PKIB: variants seen among roughly 807,000 people sequenced by gnomAD.
The protein encoded by PKIB is cAMP-dependent protein kinase inhibitor beta.
PKIB carries 2 observed loss-of-function variants against 4.5 expected under a neutral mutation model. The ratio of observed to expected loss-of-function variants is 0.44; its 90% CI spans 0.18 to 1.39. The LOEUF (loss-of-function observed/expected upper bound fraction) is 1.39. Among genes scored for constraint, PKIB ranks in the 40% most tolerant of loss-of-function variants. PKIB has a pLI of 0.27. For synonymous variants in PKIB, 38 were observed against 36.0 expected (o/e 1.06, Z -0.20); for missense variants, 94 against 92.6 (o/e 1.02, Z -0.06).
At chr6:122,530,042 TCTC>T (rs1376714425) in intron 2 of PKIB, among the ~76,000 whole-genome samples, 2 of 152,116 alleles carry the variant, frequency 1.3e-5, no homozygotes, top group African/African-American at 4.8e-5. Flanking sequence ...CTTTCTCTCC[TCTC>T]CTCCTAGTAT....
intron 2 of PKIB, among the ~76,000 whole-genome samples, chr6:122,485,378 GAAAAT>G (rs1486654168): frequency 6.6e-5 from 10 of 152,224 alleles, no homozygotes; most frequent in Non-Finnish European, 1.0e-4. Flanking sequence ...GAATCTCACT[GAAAAT>G]AGAAGAGCTA....
chr6:122,517,057 GA>G (rs1776780851), intron 2 of PKIB, among the ~76,000 whole-genome samples: 1 of 152,140 alleles, frequency 6.6e-6, no homozygotes, highest in South Asian at 2.1e-4. Context: ...CAGCTTTTTA[GA>G]GGTTAAATGG....
chr6:122,572,999 A>C (rs1215178720), intron 2 of PKIB, among the ~76,000 whole-genome samples: 1 of 152,142 alleles, frequency 6.6e-6, no homozygotes, highest in African/African-American at 2.4e-5. Context: ...CCAACACAGA[A>C]AATTTCAGGA....
intron 2 of PKIB, among the ~76,000 whole-genome samples, chr6:122,526,193 A>G (rs1777089539): frequency 1.3e-5 from 2 of 152,018 alleles, no homozygotes; most frequent in Non-Finnish European, 2.9e-5. Context: ...CCACTTTTTT[A>G]GTTATTTCCT....
At chr6:122,663,492 T>C (rs1316029430) in intron 2 of PKIB, among the ~76,000 whole-genome samples, 2 of 152,172 alleles carry the variant, frequency 1.3e-5, no homozygotes, top group Non-Finnish European at 1.5e-5. Context: ...GAAATTTATT[T>C]GCTCATAGTT....
At chr6:122,560,687 G>A (rs757301802) in intron 2 of PKIB, among the ~76,000 whole-genome samples, 1 of 151,796 alleles carries the variant, frequency 6.6e-6, no homozygotes, top group Non-Finnish European at 1.5e-5. Flanking sequence ...TTTTGTTGGT[G>A]GTAATTTTTA....
intron 3 of PKIB, among the ~76,000 whole-genome samples, chr6:122,591,024 A>G (rs904299961): frequency 6.6e-6 from 1 of 151,942 alleles, no homozygotes; most frequent in Non-Finnish European, 1.5e-5. Context: ...CTTTTTTTAA[A>G]AAAAAAAACA....
chr6:122,574,561 G>A (rs533740936), intron 2 of PKIB, among the ~76,000 whole-genome samples: 31 of 152,150 alleles, frequency 2.0e-4, no homozygotes, highest in South Asian at 4.1e-4. Flanking sequence ...ATAAAAATAG[G>A]CATATAGACC....
intron 3 of PKIB, among the ~76,000 whole-genome samples, chr6:122,693,239 T>C (rs1326301825): frequency 1.3e-5 from 2 of 152,210 alleles, no homozygotes; most frequent in Admixed American, 6.5e-5. Context: ...TAGGGTGTAG[T>C]ACGTAGCTTG....
chr6:122,685,768 C>G (rs9388112), intron 3 of PKIB, among the ~76,000 whole-genome samples: 37,607 of 151,746 alleles, frequency 0.25, 5,138 homozygotes, highest in East Asian at 0.43. Context: ...TTTTTTGTAC[C>G]CATTAACCAT....
intron 2 of PKIB, among the ~76,000 whole-genome samples, chr6:122,583,422 T>C (rs901468575): frequency 6.6e-6 from 1 of 152,080 alleles, no homozygotes; most frequent in Admixed American, 6.6e-5. Context: ...GCCAATAAGA[T>C]ACATATTAAA....
At chr6:122,630,270 A>C (rs186173903) in intron 1 of PKIB, among the ~76,000 whole-genome samples, 1,761 of 152,286 alleles carry the variant, frequency 0.012, 14 homozygotes, top group Non-Finnish European at 0.02. Context: ...AAAAGGTGAA[A>C]GTAACTCAAG....
At chr6:122,680,450 T>C (rs1777854951) in intron 3 of PKIB, among the ~76,000 whole-genome samples, 1 of 152,108 alleles carries the variant, frequency 6.6e-6, no homozygotes, top group Non-Finnish European at 1.5e-5. Context: ...GTTGAATGAG[T>C]TAGATAATTT....
chr6:122,642,540 A>T (rs760654553), intron 2 of PKIB, among the ~76,000 whole-genome samples: 1 of 152,172 alleles, frequency 6.6e-6, no homozygotes, highest in South Asian at 2.1e-4. Flanking sequence ...GCTATCTCAC[A>T]TGCCAGGTAA....
At chr6:122,709,551 A>G (rs1397768484) in intron 3 of PKIB, among the ~76,000 whole-genome samples, 1 of 152,046 alleles carries the variant, frequency 6.6e-6, no homozygotes, top group African/African-American at 2.4e-5. Context: ...ACATGTTACC[A>G]CTATTTGATG....
At chr6:122,475,824 A>G (rs1775440443) in intron 1 of PKIB, among the ~76,000 whole-genome samples, 1 of 152,066 alleles carries the variant, frequency 6.6e-6, no homozygotes, top group Non-Finnish European at 1.5e-5. Flanking sequence ...ATCCATAAGG[A>G]TATGGTTTAG....
At chr6:122,640,254 G>A (rs987654277) in intron 2 of PKIB, among the ~76,000 whole-genome samples, 8 of 151,994 alleles carry the variant, frequency 5.3e-5, no homozygotes, top group Non-Finnish European at 1.0e-4. Context: ...ACCCACTAAC[G>A]TAAAAAGATC....
chr6:122,658,179 A>T (rs1273379715), intron 2 of PKIB, among the ~76,000 whole-genome samples: 1 of 152,192 alleles, frequency 6.6e-6, no homozygotes, highest in African/African-American at 2.4e-5. Flanking sequence ...TGGTTCTGGA[A>T]TAATTAATTG....
rs796504671 is a variant in PKIB at position 122,519,805 on chromosome 6, T to C, written c.-248+41866T>C. On this transcript the variant is annotated intron_variant, in intron 2 of 6. Coordinates refer to the PKIB transcript ENST00000392491. ...TAAATGTTGTCCTCAAAAACACTTTTCTCAGAGCCATTGGATAAAGAGACA... is the reference window on the plus strand; with the variant it reads ...TAAATGTTGTCCTCAAAAACACTTTCCTCAGAGCCATTGGATAAAGAGACA... 4.2e-4 allele frequency among the ~76,000 whole-genome samples: 64 copies of C among 152,318 alleles called. 1 individual carries two copies. Among genetic ancestry groups the C allele is most frequent in the African/African-American group, 1.3e-3 (53 of 41,566 alleles).
Sources: gnomAD v4.1 joint callset for allele counts (sites outside exome capture counted in the v4.1 genomes callset) on GRCh38, gnomAD v4.1.1 for gene constraint, MANE v1.5 for transcripts, NCBI Gene and HGNC (gene_info 2026-07-23, HGNC 2026-07-21) for gene names.